The following KIF6 variants were observed in gnomAD, a reference collection of about 807,000 sequenced individuals.
KIF6 encodes the protein kinesin family member 6.
In KIF6, 106 loss-of-function variants were observed where a neutral mutation model predicts 112.7. That is an observed-to-expected ratio of 0.94 (90% CI 0.80 to 1.11). The LOEUF (loss-of-function observed/expected upper bound fraction) is 1.11, where lower values mean the gene tolerates loss of function less well. KIF6 is among the 50% of genes least tolerant of loss of function. KIF6 has a pLI of 0.00. For synonymous variants in KIF6, 339 were observed against 339.9 expected (o/e 1.00, Z 0.03); for missense variants, 929 against 964.0 (o/e 0.96, Z 0.48).
intron 22 of KIF6, among the ~76,000 whole-genome samples, chr6:39,337,201 TTCTTTCTTTCTTTCTTTCTTTCTTTC>T (rs1562102702): frequency 1.3e-4 from 14 of 111,452 alleles, no homozygotes; most frequent in African/African-American, 6.7e-4. Flanking sequence ...CTTTCTTTCT[TTCTTTCTTTCTTTCTTTCTTTCTTTC>T]TTTCTTTCTT....
intron 16 of KIF6, among the ~76,000 whole-genome samples, chr6:39,383,018 T>G (rs1767100930): frequency 6.9e-6 from 1 of 145,658 alleles, no homozygotes; most frequent in Admixed American, 6.9e-5. Context: ...TAGGGTTCTT[T>G]TTTTCTTATT....
intron 3 of KIF6, among the ~76,000 whole-genome samples, chr6:39,648,614 C>T (rs1785300880): frequency 6.6e-6 from 1 of 152,170 alleles, no homozygotes; most frequent in Non-Finnish European, 1.5e-5. Context: ...CTTCAGTTTG[C>T]TGTGGTCCCC....
chr6:39,655,164 T>A (rs1582379248), intron 3 of KIF6, among the ~76,000 whole-genome samples: 1 of 152,198 alleles, frequency 6.6e-6, no homozygotes, highest in East Asian at 1.9e-4. Flanking sequence ...TATTTTAAAT[T>A]TTCTTTTATC....
chr6:39,346,436 G>T (rs748048932), intron 20 of KIF6, 40 bp downstream of exon 20: 1 of 716,924 alleles, frequency 1.4e-6, no homozygotes. Context: ...AGGATGCGTC[G>T]AGAAGACAGC....
intron 10 of KIF6, among the ~76,000 whole-genome samples, chr6:39,561,560 G>T: frequency 6.6e-6 from 1 of 151,768 alleles, no homozygotes; most frequent in East Asian, 1.9e-4. Flanking sequence ...GTTTCATCAT[G>T]TTGGCCAGGC....
chr6:39,431,591 T>A (rs547573770), intron 13 of KIF6, among the ~76,000 whole-genome samples: 1 of 152,230 alleles, frequency 6.6e-6, no homozygotes, highest in Non-Finnish European at 1.5e-5. Context: ...AACTGAAAGA[T>A]AGCATCTAGA....
chr6:39,405,815 T>C (rs1242638967), intron 15 of KIF6, among the ~76,000 whole-genome samples: 1 of 152,220 alleles, frequency 6.6e-6, no homozygotes, highest in African/African-American at 2.4e-5. Context: ...CTCTGGGCCT[T>C]CATTCTTTTT....
rs1300914534 is a variant in KIF6, at chr6:39,545,593, T to C, written c.1277A>G (p.His426Arg). Reference protein sequence around the residue: ...ADMRKVHHCFHHLKKLLNDKK... With the variant: ...ADMRKVHHCFRHLKKLLNDKK... The stretch of plus-strand genomic sequence containing the variant: ...AACATTTAAGTTTACCTTTAAATGA[T>C]GAAAACAGTGATGAACTTTACGCAT... Residue 426 changes from histidine to arginine, a missense_variant, in exon 11 of 23, where the codon CAT becomes CGT. By Grantham distance (29) the His-to-Arg change is conservative. This residue lies in a region of KIF6 where 688 missense variants were observed against 662.7 expected (regional missense o/e 1.04). Coordinates refer to ENST00000287152, the MANE Select transcript of KIF6 (RefSeq NM_145027.6). 2 of 1,609,578 alleles carry C rather than the reference T, an allele frequency of 1.2e-6. No individual in the cohort carries two copies. The highest frequency in any genetic ancestry group is 1.7e-6 in the Non-Finnish European group (2 of 1,176,296).
At chr6:39,517,006 C>T (rs968304316) in intron 13 of KIF6, among the ~76,000 whole-genome samples, 24 of 152,128 alleles carry the variant, frequency 1.6e-4, no homozygotes, top group African/African-American at 5.1e-4. Flanking sequence ...CTCCTTCCTC[C>T]GACACTGTGG....
intron 3 of KIF6, among the ~76,000 whole-genome samples, chr6:39,689,749 C>T (rs1266596338): frequency 6.6e-6 from 1 of 152,030 alleles, no homozygotes; most frequent in African/African-American, 2.4e-5. Flanking sequence ...GACCCACAGG[C>T]ATACACCTCC....
chr6:39,346,122 C>CT (rs1562113273), intron 20 of KIF6, among the ~76,000 whole-genome samples: 946 of 14,858 alleles, frequency 0.064, 62 homozygotes, highest in Non-Finnish European at 0.073. Flanking sequence ...TCTCCCTCTC[C>CT]CTCCCTCTCC....
rs181429370 is a variant in KIF6, at chr6:39,372,257, A to G, written c.1862-9739T>C. Among the ~76,000 whole-genome samples the G allele has an allele frequency of 8.7e-4, 133 of 152,308 alleles. 2 individuals are homozygous for G. The highest frequency in any genetic ancestry group is 2.7e-3 in the African/African-American group (112 of 41,570). On this transcript the variant is annotated intron_variant, in intron 16 of 22. Coordinates refer to ENST00000287152, the MANE Select transcript of KIF6 (RefSeq NM_145027.6). ...GAACTTTCCCTCCTATGAAGATGGG[A>G]AGAGACGGTGGGAGAACAACAAAAA...
At chr6:39,627,041 T>C (rs1354356928) in intron 5 of KIF6, among the ~76,000 whole-genome samples, 1 of 152,152 alleles carries the variant, frequency 6.6e-6, no homozygotes, top group Non-Finnish European at 1.5e-5. Flanking sequence ...TGTCCTGGAA[T>C]CAAAATCTCC....
chr6:39,337,239 T>TTTCTTTC (rs1763075290), intron 22 of KIF6, among the ~76,000 whole-genome samples: 10 of 93,114 alleles, frequency 1.1e-4, no homozygotes, highest in Admixed American at 3.3e-4. Flanking sequence ...TTCTTTCTTT[T>TTTCTTTC]TCTTTCTTTT....
chr6:39,344,989 C>T (rs534368294), intron 21 of KIF6, among the ~76,000 whole-genome samples: 87 of 152,320 alleles, frequency 5.7e-4, no homozygotes, highest in Non-Finnish European at 9.6e-4. Context: ...TGTGTGCCCT[C>T]CCCCATCCCC....
At chr6:39,396,170 A>G (rs972161055) in intron 15 of KIF6, among the ~76,000 whole-genome samples, 1 of 152,228 alleles carries the variant, frequency 6.6e-6, no homozygotes. Flanking sequence ...ATTAGGAGGA[A>G]TGTGTTAGTG....
chr6:39,667,965 C>T (rs376887090), intron 3 of KIF6, among the ~76,000 whole-genome samples: 2 of 152,130 alleles, frequency 1.3e-5, no homozygotes, highest in South Asian at 2.1e-4. Flanking sequence ...AGTGAGTTCT[C>T]GCTTTGAGTT....
intron 9 of KIF6, among the ~76,000 whole-genome samples, chr6:39,581,975 T>C (rs570121882): frequency 6.6e-6 from 1 of 152,352 alleles, no homozygotes; most frequent in East Asian, 1.9e-4. Flanking sequence ...TTTGAACATG[T>C]CACTGTTCCT....
At chr6:39,556,554 T>C (rs1424892931) in intron 10 of KIF6, among the ~76,000 whole-genome samples, 1 of 152,090 alleles carries the variant, frequency 6.6e-6, no homozygotes, top group Non-Finnish European at 1.5e-5. Context: ...TCTGAGACTG[T>C]TGAGAAGCCA....
Sources: allele counts gnomAD v4.1 joint callset (sites outside exome capture counted in the v4.1 genomes callset), GRCh38; gene constraint gnomAD v4.1.1; regional missense constraint gnomAD v4.1.1; transcripts MANE v1.5; gene names NCBI Gene and HGNC (gene_info 2026-07-23, HGNC 2026-07-21).